The following ERBB4 variants were observed in gnomAD, a reference collection of about 807,000 sequenced individuals.
ERBB4 encodes the protein receptor tyrosine-protein kinase erbB-4.
A neutral mutation model predicts 158.0 loss-of-function variants in ERBB4; 42 were observed. That is an observed-to-expected ratio of 0.27 (90% CI 0.21 to 0.34). ERBB4 has a LOEUF of 0.34. ERBB4 is among the 10% of genes least tolerant of loss of function. The pLI is 1.00. For missense variants in ERBB4, 1,333 were observed against 1,624.1 expected, an observed-to-expected ratio of 0.82 and a Z score of 3.08; for synonymous variants, 583 against 558.7, an observed-to-expected ratio of 1.04 and a Z score of -0.61.
intron 2 of ERBB4, among the ~76,000 whole-genome samples, chr2:211,979,147 C>G (rs1324024559): frequency 6.6e-6 from 1 of 152,124 alleles, no homozygotes; most frequent in Non-Finnish European, 1.5e-5. Context: ...CAAACAAAAA[C>G]CATCTCTCCA....
intron 24 of ERBB4, among the ~76,000 whole-genome samples, chr2:211,420,903 C>A (rs1181374155): frequency 6.6e-6 from 1 of 151,796 alleles, no homozygotes; most frequent in Admixed American, 6.6e-5. Flanking sequence ...AATTTCAGGT[C>A]TGAAAATAAT....
At chr2:211,650,632 T>G (rs2070946624) in intron 16 of ERBB4, among the ~76,000 whole-genome samples, 1 of 152,112 alleles carries the variant, frequency 6.6e-6, no homozygotes, top group Admixed American at 6.6e-5. Flanking sequence ...GTAAAACTAT[T>G]ACCAAAATTG....
At chr2:211,388,293 C>T (rs1294952358) in intron 25 of ERBB4, among the ~76,000 whole-genome samples, 1 of 152,046 alleles carries the variant, frequency 6.6e-6, no homozygotes, top group African/African-American at 2.4e-5. Context: ...CTGATTAACC[C>T]TAGAGGAAAG....
chr2:211,999,929 A>T (rs1160441905), intron 2 of ERBB4, among the ~76,000 whole-genome samples: 2 of 151,768 alleles, frequency 1.3e-5, no homozygotes, highest in Admixed American at 6.6e-5. Flanking sequence ...ACCAGTGGTT[A>T]TTATGATTAT....
chr2:212,257,418 T>C (rs1394705880), intron 1 of ERBB4, among the ~76,000 whole-genome samples: 1 of 152,162 alleles, frequency 6.6e-6, no homozygotes, highest in Non-Finnish European at 1.5e-5. Flanking sequence ...CAAAGAATCA[T>C]TAATAATCAG....
intron 12 of ERBB4, among the ~76,000 whole-genome samples, chr2:211,694,444 T>C (rs959991176): frequency 1.8e-4 from 27 of 152,168 alleles, no homozygotes; most frequent in African/African-American, 6.3e-4. Flanking sequence ...CTGTAGCTAA[T>C]TGGCAAGAGT....
chr2:212,410,674 A>G (rs1016378200), intron 1 of ERBB4, among the ~76,000 whole-genome samples: 35 of 152,246 alleles, frequency 2.3e-4, no homozygotes, highest in African/African-American at 8.4e-4. Flanking sequence ...ACAGTGGTAT[A>G]TATTCGCTTA....
chr2:211,514,996 C>T (rs10191594), intron 20 of ERBB4, among the ~76,000 whole-genome samples: 1 of 151,690 alleles, frequency 6.6e-6, no homozygotes, highest in Non-Finnish European at 1.5e-5. Flanking sequence ...ATGTACAGTA[C>T]GAAATGAAAA....
intron 1 of ERBB4, among the ~76,000 whole-genome samples, chr2:212,394,411 AT>A (rs1183090912): frequency 6.6e-6 from 1 of 152,096 alleles, no homozygotes; most frequent in Admixed American, 6.6e-5. Context: ...ATTATTAACC[AT>A]TTTGTCAACA....
At chr2:211,772,070 T>C (rs1362984322) in intron 4 of ERBB4, among the ~76,000 whole-genome samples, 2 of 152,240 alleles carry the variant, frequency 1.3e-5, no homozygotes, top group Non-Finnish European at 1.5e-5. Flanking sequence ...AATGTTTTAC[T>C]ATCTTCTGTG....
In ERBB4 at chr2:211,893,142, T is replaced by C. The variant is rs1044450558; in HGVS notation, c.421+54288A>G. On this transcript the variant is annotated intron_variant, in intron 3 of 27. Coordinates refer to ENST00000342788, the MANE Select transcript of ERBB4 (RefSeq NM_005235.3). Reference sequence around the variant, plus strand: ...AAAGAACAAAGCTGGAGGCATCACATTACCTGACTTCAAACTATACTACAA... The same window carrying C: ...AAAGAACAAAGCTGGAGGCATCACACTACCTGACTTCAAACTATACTACAA... Among the ~76,000 whole-genome samples the C allele has an allele frequency of 7.6e-5, 11 of 145,494 alleles. No individual in the cohort carries two copies. The South Asian group carries it at 1.3e-3, about 17-fold the overall frequency.
At chr2:211,618,439 C>A (rs1470822429) in intron 19 of ERBB4, among the ~76,000 whole-genome samples, 1 of 151,830 alleles carries the variant, frequency 6.6e-6, no homozygotes, top group African/African-American at 2.4e-5. Flanking sequence ...TGCTTTCCTA[C>A]CAAAAAGAGC....
At chr2:212,489,721 A>G (rs1690168845) in intron 1 of ERBB4, among the ~76,000 whole-genome samples, 1 of 148,876 alleles carries the variant, frequency 6.7e-6, no homozygotes, top group Non-Finnish European at 1.5e-5. Context: ...AAAAATATAT[A>G]CATATATATA....
rs190544389 is a variant in ERBB4, at chr2:211,815,972, C to T, written c.422-27813G>A. On this transcript the variant is annotated intron_variant, in intron 3 of 27. Coordinates refer to ENST00000342788, the MANE Select transcript of ERBB4 (RefSeq NM_005235.3). ...GGGAGTGTTGGGGGTGAGGGATTCT[C>T]GGTCCTTTAGCCTCAGGCTAAGGGT... 1.1e-4 allele frequency among the ~76,000 whole-genome samples: 17 copies of T among 152,212 alleles called. No homozygotes were observed. The East Asian group carries it at 2.5e-3, about 23-fold the overall frequency.
intron 16 of ERBB4, among the ~76,000 whole-genome samples, chr2:211,656,377 T>C (rs72945004): frequency 3.7e-4 from 57 of 152,324 alleles, no homozygotes; most frequent in Non-Finnish European, 7.5e-4. Context: ...AGTACTACCT[T>C]CTCTCTCCTA....
chr2:211,987,798 A>G (rs1174913881), intron 2 of ERBB4, among the ~76,000 whole-genome samples: 2 of 152,358 alleles, frequency 1.3e-5, no homozygotes, highest in South Asian at 4.1e-4. Context: ...GCCTCAAATA[A>G]TGTATAAGGT....
chr2:211,585,537 A>C (rs1181798780), intron 19 of ERBB4, among the ~76,000 whole-genome samples: 1 of 152,092 alleles, frequency 6.6e-6, no homozygotes, highest in East Asian at 1.9e-4. Flanking sequence ...TAAAAGTCAG[A>C]ATATTTATAT....
intron 25 of ERBB4, among the ~76,000 whole-genome samples, chr2:211,408,896 C>CT (rs1280197650): frequency 3.3e-5 from 5 of 152,108 alleles, no homozygotes; most frequent in African/African-American, 1.2e-4. Context: ...GTGAATGTCA[C>CT]AAGAATAAAA....
chr2:212,479,047 A>G (rs934349903), intron 1 of ERBB4, among the ~76,000 whole-genome samples: 5 of 152,260 alleles, frequency 3.3e-5, no homozygotes, highest in Admixed American at 3.3e-4. Flanking sequence ...ACAAAGTGTC[A>G]TATATTTAGG....
Sources: allele counts gnomAD v4.1 joint callset (sites outside exome capture counted in the v4.1 genomes callset), GRCh38; gene constraint gnomAD v4.1.1; transcripts MANE v1.5; gene names NCBI Gene and HGNC (gene_info 2026-07-23, HGNC 2026-07-21).